CACNA2D1: variants seen among roughly 807,000 people sequenced by gnomAD.
The protein encoded by CACNA2D1 is calcium voltage-gated channel auxiliary subunit alpha2delta 1, also known as voltage-dependent calcium channel subunit alpha-2/delta-1.
CACNA2D1 carries 53 observed loss-of-function variants against 171.5 expected under a neutral mutation model. That is an observed-to-expected ratio of 0.31 (90% CI 0.25 to 0.39). The LOEUF is 0.39. CACNA2D1 is among the 10% of genes least tolerant of loss of function. CACNA2D1 has a pLI of 1.00. For missense variants in CACNA2D1, 903 were observed against 1,299.8 expected, an observed-to-expected ratio of 0.69 and a Z score of 4.69; for synonymous variants, 442 against 443.1, an observed-to-expected ratio of 1.00 and a Z score of 0.03.
At chr7:82,282,066 G>A (rs976548855) in intron 3 of CACNA2D1, among the ~76,000 whole-genome samples, 8 of 152,276 alleles carry the variant, frequency 5.3e-5, no homozygotes, top group South Asian at 2.1e-4. Context: ...GGAGGCCGAG[G>A]TGGGTGGAAC....
chr7:82,438,422 T>A (rs948271464), intron 1 of CACNA2D1, among the ~76,000 whole-genome samples: 1 of 152,234 alleles, frequency 6.6e-6, no homozygotes, highest in African/African-American at 2.4e-5. Flanking sequence ...TATACGATGT[T>A]AATATTTTGG....
At chr7:81,962,386 C>T in intron 35 of CACNA2D1, 54 bp downstream of exon 35, 1 of 1,335,704 alleles carries the variant, frequency 7.5e-7, no homozygotes, top group Middle Eastern at 1.8e-4. Context: ...CAAGCACATC[C>T]CAAAAGAAAA....
intron 2 of CACNA2D1, among the ~76,000 whole-genome samples, chr7:82,349,275 T>A (rs537922497): frequency 5.9e-5 from 9 of 152,314 alleles, no homozygotes; most frequent in East Asian, 1.9e-4. Context: ...TAATAGTAAG[T>A]ACATGACTTC....
intron 3 of CACNA2D1, among the ~76,000 whole-genome samples, chr7:82,275,734 TTTATC>T (rs1809234907): frequency 6.6e-6 from 1 of 152,094 alleles, no homozygotes. Flanking sequence ...TATCAAAACA[TTTATC>T]TTATAAGCAA....
At chr7:82,053,251 C>A (rs77462675) in intron 10 of CACNA2D1, among the ~76,000 whole-genome samples, 1,937 of 115,564 alleles carry the variant, frequency 0.017, no homozygotes, top group East Asian at 0.021. Flanking sequence ...GACTCCGTCT[C>A]AAAAAAAAAA....
chr7:82,024,757 C>T (rs939214946), intron 12 of CACNA2D1, among the ~76,000 whole-genome samples: 1 of 151,624 alleles, frequency 6.6e-6, no homozygotes, highest in Admixed American at 6.6e-5. Flanking sequence ...TGTTCTCTTT[C>T]AGGAGTTTTA....
intron 19 of CACNA2D1, among the ~76,000 whole-genome samples, chr7:81,995,326 AAT>A (rs1267231670): frequency 6.6e-6 from 1 of 152,166 alleles, no homozygotes; most frequent in Non-Finnish European, 1.5e-5. Flanking sequence ...TGCCTTACAC[AAT>A]GAGTTTCATG....
In CACNA2D1 at chr7:82,007,180, T is replaced by C. The variant is rs563624829; in HGVS notation, c.1440+499A>G. Among the ~76,000 whole-genome samples the C allele has an allele frequency of 7.2e-5, 11 of 151,800 alleles. No individual in the cohort carries two copies. The South Asian group carries it at 2.3e-3, about 32-fold the overall frequency. On this transcript the variant is annotated intron_variant, in intron 16 of 38. Transcript: ENST00000356860. ...CTATGAAATTATTCTTCCTGTATCC[T>C]AAAAATAGAAAAAAAAAGAGAAATA...
intron 3 of CACNA2D1, among the ~76,000 whole-genome samples, chr7:82,186,356 C>T (rs969705831): frequency 2.0e-5 from 3 of 151,918 alleles, no homozygotes; most frequent in Non-Finnish European, 4.4e-5. Flanking sequence ...TTAAATACGC[C>T]CCCTGATTGT....
chr7:82,243,417 T>C (rs774312716), intron 3 of CACNA2D1, among the ~76,000 whole-genome samples: 2 of 152,190 alleles, frequency 1.3e-5, no homozygotes, highest in Non-Finnish European at 2.9e-5. Flanking sequence ...TGACATATGA[T>C]TGACTCTTAT....
chr7:82,372,560 C>T (rs1822529238), intron 1 of CACNA2D1, among the ~76,000 whole-genome samples: 1 of 119,244 alleles, frequency 8.4e-6, no homozygotes, highest in African/African-American at 2.8e-5. Context: ...GAAATAAATT[C>T]AATGAGGCAA....
intron 6 of CACNA2D1, among the ~76,000 whole-genome samples, chr7:82,092,273 T>C (rs1431896275): frequency 6.6e-6 from 1 of 152,230 alleles, no homozygotes; most frequent in East Asian, 1.9e-4. Context: ...AAAATTTTCA[T>C]TTCAAATTTA....
chr7:82,394,938 A>T (rs1027956653), intron 1 of CACNA2D1, among the ~76,000 whole-genome samples: 2 of 151,982 alleles, frequency 1.3e-5, no homozygotes, highest in African/African-American at 4.8e-5. Flanking sequence ...CAGCTTCATT[A>T]TTTTTTTATA....
chr7:82,395,198 T>TAA lies in CACNA2D1; in HGVS notation c.96-45551_96-45550dup, dbSNP rs67927269. Among the ~76,000 whole-genome samples, 3 of 150,488 alleles carry TAA rather than the reference T, an allele frequency of 2.0e-5. No individual in the cohort carries two copies. In the South Asian group the frequency reaches 6.3e-4, roughly 32 times the overall value. ...AGACACTAAAAACACAACATCAAAT[T>TAA]AAAAAAAAAACACAAAAAAACTCCA... On this transcript the variant is annotated intron_variant, in intron 1 of 38. Transcript: ENST00000356860.
intron 3 of CACNA2D1, among the ~76,000 whole-genome samples, chr7:82,198,627 C>T (rs921106573): frequency 1.3e-5 from 2 of 151,550 alleles, no homozygotes; most frequent in Non-Finnish European, 2.9e-5. Context: ...ACAAGTGGGC[C>T]CCTTCTATTT....
intron 15 of CACNA2D1, among the ~76,000 whole-genome samples, chr7:82,010,472 T>C (rs931972095): frequency 6.6e-6 from 1 of 152,002 alleles, no homozygotes; most frequent in African/African-American, 2.4e-5. Context: ...AGTAAGAACC[T>C]TACCAGCAAT....
At chr7:82,048,247 T>C (rs984252861) in intron 10 of CACNA2D1, among the ~76,000 whole-genome samples, 2 of 152,106 alleles carry the variant, frequency 1.3e-5, no homozygotes, top group African/African-American at 2.4e-5. Context: ...TAGAGCATGA[T>C]TATGATATAA....
rs71093372 is a variant in CACNA2D1 at position 82,295,522 on chromosome 7, CT to C, written c.294+39612del. 4.5e-3 allele frequency among the ~76,000 whole-genome samples: 674 copies of C among 148,272 alleles called. 17 individuals are homozygous for C. The East Asian group carries it at 0.06, about 13-fold the overall frequency. ...CTATACCTCGCTAATTTCTTTCTTT[CT>C]TTTTTTTTTCTTTTAAGAGATGGGG... On this transcript the variant is annotated intron_variant, in intron 3 of 38. Transcript: ENST00000356860.
At chr7:82,433,579 G>A (rs1360379661) in intron 1 of CACNA2D1, among the ~76,000 whole-genome samples, 1 of 152,132 alleles carries the variant, frequency 6.6e-6, no homozygotes, top group African/African-American at 2.4e-5. Flanking sequence ...AAGACATTGT[G>A]TTTAGTCTTG....
Sources: allele counts gnomAD v4.1 joint callset (sites outside exome capture counted in the v4.1 genomes callset), GRCh38; gene constraint gnomAD v4.1.1; transcripts MANE v1.5; gene names NCBI Gene and HGNC (gene_info 2026-07-23, HGNC 2026-07-21).